Variants in PDE1C observed in about 807,000 individuals in gnomAD.
The protein encoded by PDE1C is dual specificity calcium/calmodulin-dependent 3',5'-cyclic nucleotide phosphodiesterase 1C.
A neutral mutation model predicts 93.1 loss-of-function variants in PDE1C; 62 were observed. The ratio of observed to expected loss-of-function variants is 0.67; its 90% CI spans 0.54 to 0.82. The LOEUF is 0.82. PDE1C is among the 40% of genes least tolerant of loss of function. PDE1C has a pLI of 0.00. For missense variants in PDE1C, 742 were observed against 884.6 expected (o/e 0.84, Z 2.04); for synonymous variants, 325 against 310.1 (o/e 1.05, Z -0.50).
the PDE1C span, among the ~76,000 whole-genome samples, chr7:31,701,652 G>A: frequency 1.3e-5 from 2 of 152,192 alleles, no homozygotes; most frequent in African/African-American, 2.4e-5. Flanking sequence ...TAAAGGAAGA[G>A]TCCATCAATG....
At chr7:31,819,934 A>G (rs899195400) in intron 14 of PDE1C, among the ~76,000 whole-genome samples, 1 of 152,178 alleles carries the variant, frequency 6.6e-6, no homozygotes, top group Non-Finnish European at 1.5e-5. Context: ...TTCAAATCTC[A>G]GTTCTATACA....
At chr7:32,016,458 AC>A in intron 2 of PDE1C, among the ~76,000 whole-genome samples, 1 of 152,316 alleles carries the variant, frequency 6.6e-6, no homozygotes. Flanking sequence ...TGCATTAAAA[AC>A]TTTAAATGTT....
Position 31,816,060 on chromosome 7 carries a change from G to T in PDE1C, c.1677C>A (p.Gly559=), listed in dbSNP as rs144853377. The change falls in exon 15 of 18, where the codon GGC becomes GGA. Residue 559 remains glycine (G), a synonymous_variant. Coordinates refer to ENST00000396191, the MANE Select transcript of PDE1C (RefSeq NM_001191057.4). ...EMEAKSQAEE[G]ASGKAEKKTS... Reference sequence around the variant, plus strand: ...TCTTTTTCTCAGCTTTGCCAGATGCGCCTTCTTCAGCCTGGCTTTTGGCTT... The same window carrying T: ...TCTTTTTCTCAGCTTTGCCAGATGCTCCTTCTTCAGCCTGGCTTTTGGCTT... 3 of 1,613,742 alleles carry T rather than the reference G, an allele frequency of 1.9e-6. No individual in the cohort carries two copies. Among genetic ancestry groups the T allele is most frequent in the Admixed American group, 3.3e-5 (2 of 59,964 alleles).
At chr7:31,971,886 C>T (rs138522423) in intron 2 of PDE1C, among the ~76,000 whole-genome samples, 2,111 of 152,328 alleles carry the variant, frequency 0.014, 19 homozygotes, top group Middle Eastern at 0.037. Context: ...TAATTCCTCT[C>T]CTTGCACCTC....
intron 1 of PDE1C, among the ~76,000 whole-genome samples, chr7:32,226,839 C>T (rs1807313148): frequency 6.6e-6 from 1 of 152,184 alleles, no homozygotes; most frequent in South Asian, 2.1e-4. Flanking sequence ...ACATCACCAC[C>T]AATGCTAGTT....
intron 2 of PDE1C, among the ~76,000 whole-genome samples, chr7:31,994,727 A>C (rs1784521544): frequency 6.6e-6 from 1 of 152,222 alleles, no homozygotes; most frequent in Admixed American, 6.5e-5. Context: ...AAGGTGAAAA[A>C]AATATCTGCA....
At chr7:31,651,767 G>GT in the PDE1C span, among the ~76,000 whole-genome samples, 968 of 147,764 alleles carry the variant, frequency 6.6e-3, 6 homozygotes, top group East Asian at 0.033. Flanking sequence ...CAATAAAGTT[G>GT]TTTTTTTTTT....
the PDE1C span, among the ~76,000 whole-genome samples, chr7:31,669,374 C>T: frequency 6.6e-6 from 1 of 152,130 alleles, no homozygotes; most frequent in African/African-American, 2.4e-5. Flanking sequence ...CTACCCTAAA[C>T]AAGATATACA....
chr7:31,990,734 G>A (rs192708242), intron 2 of PDE1C, among the ~76,000 whole-genome samples: 1 of 152,250 alleles, frequency 6.6e-6, no homozygotes, highest in Admixed American at 6.5e-5. Flanking sequence ...GAAATTATCT[G>A]CTTTGGTAAG....
chr7:32,030,655 A>G lies in PDE1C; in HGVS notation c.128+20899T>C, dbSNP rs184167995. Among the ~76,000 whole-genome samples, 181 of 152,270 alleles carry G rather than the reference A, an allele frequency of 1.2e-3. 1 individual carries two copies. Among genetic ancestry groups the G allele is most frequent in the African/African-American group, 4.2e-3 (175 of 41,576 alleles). On this transcript the variant is annotated intron_variant, in intron 2 of 17. Transcript: ENST00000396191. ...GAAGGACTTTCTGATCTTCCCCTGAAGCAGGGCATAAAACTTAGGAAGGAC... is the reference window on the plus strand; with the variant it reads ...GAAGGACTTTCTGATCTTCCCCTGAGGCAGGGCATAAAACTTAGGAAGGAC...
intron 2 of PDE1C, among the ~76,000 whole-genome samples, chr7:31,960,022 C>T (rs926629413): frequency 2.6e-5 from 3 of 117,362 alleles, no homozygotes; most frequent in African/African-American, 8.7e-5. Context: ...CCCACCATCA[C>T]GCACAGCTAT....
At chr7:31,881,558 A>T (rs1476919530) in intron 2 of PDE1C, among the ~76,000 whole-genome samples, 1 of 152,236 alleles carries the variant, frequency 6.6e-6, no homozygotes, top group African/African-American at 2.4e-5. Flanking sequence ...CAATAAAATG[A>T]CTACAGATGA....
At chr7:31,944,857 C>T (rs1412954000) in intron 2 of PDE1C, among the ~76,000 whole-genome samples, 1 of 152,082 alleles carries the variant, frequency 6.6e-6, no homozygotes, top group Non-Finnish European at 1.5e-5. Flanking sequence ...TTAAAAAATA[C>T]AGGAACAAGC....
chr7:32,417,604 C>G (rs1404032952), intron 1 of PDE1C, among the ~76,000 whole-genome samples: 1 of 147,310 alleles, frequency 6.8e-6, no homozygotes, highest in East Asian at 2.0e-4. Flanking sequence ...GCCCGTGTAA[C>G]TATAAGCAAT....
chr7:32,036,029 A>G (rs1355491491), intron 2 of PDE1C, among the ~76,000 whole-genome samples: 2 of 152,202 alleles, frequency 1.3e-5, no homozygotes, highest in Admixed American at 6.5e-5. Flanking sequence ...TTCAGCCAAC[A>G]TAGCAGTGGA....
chr7:31,858,965 C>T (rs1000683889), intron 7 of PDE1C, among the ~76,000 whole-genome samples: 31 of 151,422 alleles, frequency 2.0e-4, no homozygotes, highest in African/African-American at 6.0e-4. Context: ...GAAAATATTG[C>T]TATGCAAGGA....
upstream of PDE1C, among the ~76,000 whole-genome samples, chr7:32,301,025 G>C (rs1401963663): frequency 6.6e-6 from 1 of 151,864 alleles, no homozygotes; most frequent in Non-Finnish European, 1.5e-5. Flanking sequence ...AAATTGTAGA[G>C]GCAAGGTCTC....
chr7:31,884,603 C>T lies in PDE1C; in HGVS notation c.129-3743G>A, dbSNP rs538740820. Among the ~76,000 whole-genome samples the T allele has an allele frequency of 3.4e-4, 52 of 152,256 alleles. No homozygotes were observed. In the South Asian group the frequency reaches 7.5e-3, roughly 22 times the overall value. The stretch of plus-strand genomic sequence containing the variant: ...ACACAAAGCCTAGTGATTCCAGATG[C>T]CCCTTTCAAATTCTGTTGAGCTTTA... On this transcript the variant is annotated intron_variant, in intron 2 of 17. Transcript: ENST00000396191.
intron 2 of PDE1C, among the ~76,000 whole-genome samples, chr7:32,199,398 A>C (rs1272787687): frequency 6.6e-6 from 1 of 152,028 alleles, no homozygotes; most frequent in East Asian, 1.9e-4. Flanking sequence ...CTGGTCTTTC[A>C]TTCTGAACTC....
Sources: allele counts gnomAD v4.1 joint callset (sites outside exome capture counted in the v4.1 genomes callset), GRCh38; gene constraint gnomAD v4.1.1; transcripts MANE v1.5; gene names NCBI Gene and HGNC (gene_info 2026-07-23, HGNC 2026-07-21).